ABCC1: variants seen among roughly 807,000 people sequenced by gnomAD.
ABCC1 encodes the protein multidrug resistance-associated protein 1.
A neutral mutation model predicts 172.9 loss-of-function variants in ABCC1; 83 were observed. The observed-to-expected ratio is 0.48, with a 90% CI of 0.40 to 0.58. The LOEUF (loss-of-function observed/expected upper bound fraction) is 0.58. ABCC1 is among the 20% of genes least tolerant of loss of function. ABCC1 has a pLI of 0.00. For synonymous variants in ABCC1, 937 were observed against 825.2 expected, an observed-to-expected ratio of 1.14 and a Z score of -2.32; for missense variants, 1,817 against 2,002.7, an observed-to-expected ratio of 0.91 and a Z score of 1.77.
chr16:16,028,925 C>G (rs1482788964), intron 5 of ABCC1, among the ~76,000 whole-genome samples: 1 of 152,050 alleles, frequency 6.6e-6, no homozygotes, highest in African/African-American at 2.4e-5. Flanking sequence ...TGGAATGCAC[C>G]GGCTGCATCT....
chr16:16,065,781 T>C (rs2050089541), intron 12 of ABCC1, among the ~76,000 whole-genome samples: 1 of 152,184 alleles, frequency 6.6e-6, no homozygotes, highest in African/African-American at 2.4e-5. Context: ...CCTTGCTTTT[T>C]TGCCCTGGCT....
At chr16:16,108,397 A>G (rs1021715649) in intron 21 of ABCC1, among the ~76,000 whole-genome samples, 1 of 148,398 alleles carries the variant, frequency 6.7e-6, no homozygotes, top group African/African-American at 2.5e-5. Flanking sequence ...CAGCCTCCCG[A>G]GTAGCTGGGA....
At chr16:15,989,393 G>T (rs1244048554) in intron 1 of ABCC1, among the ~76,000 whole-genome samples, 1 of 152,166 alleles carries the variant, frequency 6.6e-6, no homozygotes. Flanking sequence ...CTGTGTCGGG[G>T]CTGGGAGACT....
chr16:16,079,624 CTG>C (rs1220032194), intron 16 of ABCC1, 146 bp downstream of exon 16: 6 of 1,075,498 alleles, frequency 5.6e-6, no homozygotes, highest in Non-Finnish European at 7.8e-6. Context: ...TATCTTTCCA[CTG>C]TCTCTTTCTC....
intron 7 of ABCC1, among the ~76,000 whole-genome samples, chr16:16,037,432 A>T (rs1821940506): frequency 6.6e-6 from 1 of 150,798 alleles, no homozygotes; most frequent in African/African-American, 2.5e-5. Context: ...TTAACTCATC[A>T]AATCTGAGAC....
At chr16:16,027,310 C>T (rs2048409306) in intron 5 of ABCC1, among the ~76,000 whole-genome samples, 1 of 152,106 alleles carries the variant, frequency 6.6e-6, no homozygotes, top group African/African-American at 2.4e-5. Context: ...CCTAACTCCG[C>T]TGTGTAGCTC....
chr16:16,006,357 A>C (rs983880682), intron 1 of ABCC1, among the ~76,000 whole-genome samples: 1 of 152,076 alleles, frequency 6.6e-6, no homozygotes, highest in African/African-American at 2.4e-5. Context: ...AGTTCAAGGC[A>C]CAGGAAGCTG....
At chr16:16,004,791 A>T (rs979588369) in intron 1 of ABCC1, among the ~76,000 whole-genome samples, 2 of 150,264 alleles carry the variant, frequency 1.3e-5, no homozygotes, top group African/African-American at 4.9e-5. Flanking sequence ...ACTAGCTGGG[A>T]TTACAGACGT....
chr16:16,124,766 T>C (rs755784725), intron 24 of ABCC1, 23 bp from the exon 25 acceptor site: 1 of 1,613,872 alleles, frequency 6.2e-7, no homozygotes, highest in Non-Finnish European at 8.5e-7. Context: ...TGCCTGTTTG[T>C]CTGCCTGTGT....
intron 1 of ABCC1, among the ~76,000 whole-genome samples, chr16:16,001,698 A>G (rs2047317960): frequency 6.6e-6 from 1 of 152,246 alleles, no homozygotes; most frequent in Admixed American, 6.5e-5. Context: ...AAAGGAACTT[A>G]AACTACACAG....
At chr16:16,110,838 G>T (rs534020907) in intron 21 of ABCC1, among the ~76,000 whole-genome samples, 2 of 152,308 alleles carry the variant, frequency 1.3e-5, no homozygotes, top group Non-Finnish European at 2.9e-5. Flanking sequence ...TATCTGGGAT[G>T]ATTTTATGGG....
At chr16:15,983,679 C>T (rs111327088) in intron 1 of ABCC1, among the ~76,000 whole-genome samples, 10 of 151,542 alleles carry the variant, frequency 6.6e-5, no homozygotes, top group Admixed American at 2.6e-4. Flanking sequence ...CCTCAGCTTC[C>T]GGAGTAGCTG....
chr16:16,111,643 A>T, intron 22 of ABCC1, 61 bp downstream of exon 22: 1 of 1,479,866 alleles, frequency 6.8e-7, no homozygotes, highest in East Asian at 2.4e-5. Flanking sequence ...TTGTCTAATT[A>T]TAGAAATGGA....
In ABCC1 at chr16:16,079,450, A is replaced by T; in HGVS notation, c.2087A>T (p.Asp696Val). 6.2e-7 allele frequency: 1 copy of T among 1,613,602 alleles called. No homozygotes were observed. The highest frequency in any genetic ancestry group is 8.5e-7 in the Non-Finnish European group (1 of 1,179,626). ...CTCTCAGCCCTCTTGGCTGAGATGG[A>T]CAAAGTGGAGGGGCACGTGGCTATC... is the stretch of plus-strand genomic sequence containing the variant. The part of the protein sequence containing the change: ...SLLSALLAEM[D>V]KVEGHVAIKG... Residue 696 changes from aspartate (D) to valine (V), a missense_variant, in exon 16 of 31, where the codon GAC becomes GTC. This residue lies in a region of ABCC1 where 1,412 missense variants were observed against 1,600.3 expected (regional missense o/e 0.88). Transcript: ENST00000399410.
Position 16,142,636 on chromosome 16 carries a change from AAC to A in ABCC1, c.*1357_*1358del, listed in dbSNP as rs1161684358. On this transcript the variant is annotated 3_prime_UTR_variant, in exon 31 of 31. Coordinates refer to ENST00000399410, the MANE Select transcript of ABCC1 (RefSeq NM_004996.4). ...TTTTAAGTACTGTTCCGGGGAGAAA[AAC>A]AGTCTCAAAACTTGAACTTCTTGGG... is the stretch of plus-strand genomic sequence containing the variant. 1 of 152,116 alleles carries A rather than the reference AAC, an allele frequency of 6.6e-6. No individual in the cohort carries two copies. Among genetic ancestry groups the A allele is most frequent in the Non-Finnish European group, 1.5e-5 (1 of 68,020 alleles). 9.4% of individuals were successfully genotyped at this position (152,116 alleles called of 1,614,324 possible).
chr16:15,998,188 G>C (rs1299772102), intron 1 of ABCC1, among the ~76,000 whole-genome samples: 1 of 151,174 alleles, frequency 6.6e-6, no homozygotes, highest in East Asian at 1.9e-4. Flanking sequence ...TGGGTGGGAC[G>C]ATCAAAGCTC....
At chr16:15,984,040 C>G (rs1176210221) in intron 1 of ABCC1, among the ~76,000 whole-genome samples, 1 of 152,110 alleles carries the variant, frequency 6.6e-6, no homozygotes, top group African/African-American at 2.4e-5. Flanking sequence ...GGGTCAGGCT[C>G]TTCATGTTTT....
intron 16 of ABCC1, 140 bp downstream of exon 16, chr16:16,079,618 T>C: frequency 1.8e-6 from 2 of 1,105,552 alleles, no homozygotes; most frequent in Middle Eastern, 2.3e-4. Context: ...CTCCTGTATC[T>C]TTCCACTGTC....
Position 16,014,490 on chromosome 16 carries a change from G to A in ABCC1, c.352-1G>A. 1 of 1,613,726 alleles carries A rather than the reference G, an allele frequency of 6.2e-7. No individual in the cohort carries two copies. Among genetic ancestry groups the A allele is most frequent in the Non-Finnish European group, 8.5e-7 (1 of 1,179,854 alleles). ...CTCCTGTCTTGTGCTTCTCTCCTCAGCTGCTTGCTACCTTTTTAATTCAGC... is the reference window on the plus strand; with the variant it reads ...CTCCTGTCTTGTGCTTCTCTCCTCAACTGCTTGCTACCTTTTTAATTCAGC... On this transcript the variant is annotated splice_acceptor_variant, in intron 3 of 30. Coordinates refer to ENST00000399410, the MANE Select transcript of ABCC1 (RefSeq NM_004996.4). LOFTEE classifies it high-confidence loss of function.
Sources: allele counts gnomAD v4.1 joint callset (sites outside exome capture counted in the v4.1 genomes callset), GRCh38; gene constraint gnomAD v4.1.1; regional missense constraint gnomAD v4.1.1; transcripts MANE v1.5; gene names NCBI Gene and HGNC (gene_info 2026-07-23, HGNC 2026-07-21).